DLC1: variants seen among roughly 807,000 people sequenced by gnomAD.
DLC1 encodes DLC1 Rho GTPase activating protein, also known as rho GTPase-activating protein 7.
Under a neutral mutation model 140.3 loss-of-function variants are expected in DLC1, and 54 were observed. That is an observed-to-expected ratio of 0.38 (90% CI 0.31 to 0.48). The LOEUF (loss-of-function observed/expected upper bound fraction) is 0.48. DLC1 is among the 20% of genes least tolerant of loss of function. The pLI is 0.96. For missense variants in DLC1, 2,536 were observed against 1,907.0 expected, an observed-to-expected ratio of 1.33 and a Z score of -6.14; for synonymous variants, 986 against 728.1, an observed-to-expected ratio of 1.35 and a Z score of -5.70.
intron 4 of DLC1, among the ~76,000 whole-genome samples, chr8:13,379,233 G>T (rs1201301737): frequency 6.6e-6 from 1 of 152,060 alleles, no homozygotes. Context: ...CTTTTTACTT[G>T]CCTGGAGTCA....
chr8:13,170,558 G>T (rs964372906), intron 5 of DLC1, among the ~76,000 whole-genome samples: 1 of 151,982 alleles, frequency 6.6e-6, no homozygotes, highest in African/African-American at 2.4e-5. Context: ...GTGAAACCCC[G>T]TCCCTACTAA....
rs1801379915 is a variant in DLC1, at chr8:13,493,922, T to C, written c.1023+5127A>G. 2.0e-5 allele frequency among the ~76,000 whole-genome samples: 3 copies of C among 152,190 alleles called. No individual in the cohort carries two copies. The South Asian group carries it at 6.2e-4, about 31-fold the overall frequency. ...CCTTTTACCAAATGTTTGCATATTT[T>C]AAATATAGAATAAGGAGAAAATATT... On this transcript the variant is annotated intron_variant, in intron 2 of 17. Transcript: ENST00000276297.
chr8:13,177,477 A>C, intron 5 of DLC1, among the ~76,000 whole-genome samples: 1 of 152,352 alleles, frequency 6.6e-6, no homozygotes, highest in East Asian at 1.9e-4. Context: ...TGTATTGTTT[A>C]TAGAATTTCA....
At chr8:13,331,238 C>T (rs7016737) in intron 4 of DLC1, among the ~76,000 whole-genome samples, 46,122 of 152,088 alleles carry the variant, frequency 0.3, 7,874 homozygotes, top group Non-Finnish European at 0.39. Flanking sequence ...TTTGTAAGCA[C>T]CACATTGGCT....
intron 5 of DLC1, among the ~76,000 whole-genome samples, chr8:13,249,472 G>C (rs953291589): frequency 6.6e-6 from 1 of 151,982 alleles, no homozygotes; most frequent in South Asian, 2.1e-4. Context: ...GGCACTCCTT[G>C]TCATGGTACC....
Position 13,332,801 on chromosome 8 carries a change from G to A in DLC1, c.1315-27499C>T, listed in dbSNP as rs182396379. Among the ~76,000 whole-genome samples, 45 of 152,040 alleles carry A rather than the reference G, an allele frequency of 3.0e-4. No individual in the cohort carries two copies. In the East Asian group the frequency reaches 6.6e-3, roughly 22 times the overall value. ...CTTGATTAACCCATTAATTAACCTA[G>A]GTTAATTGTTATTTTACAGAATTAA... On this transcript the variant is annotated intron_variant, in intron 4 of 17. Coordinates refer to ENST00000276297, the MANE Select transcript of DLC1 (RefSeq NM_182643.3).
intron 5 of DLC1, among the ~76,000 whole-genome samples, chr8:13,201,823 G>T (rs562278736): frequency 6.7e-6 from 1 of 150,292 alleles, no homozygotes; most frequent in Non-Finnish European, 1.5e-5. Flanking sequence ...ATGTTCAGGG[G>T]TATATACATG....
chr8:13,214,045 A>C lies in DLC1; in HGVS notation c.1348+91224T>G, dbSNP rs532639620. 2.6e-5 allele frequency among the ~76,000 whole-genome samples: 4 copies of C among 152,076 alleles called. No homozygotes were observed. The East Asian group carries it at 7.8e-4, about 29-fold the overall frequency. ...GTGATCCGTCCACTTCAGCCTCCCAAAGTGTTGGGTTTACAGGTGTGAGCC... is the reference window on the plus strand; with the variant it reads ...GTGATCCGTCCACTTCAGCCTCCCACAGTGTTGGGTTTACAGGTGTGAGCC... On this transcript the variant is annotated intron_variant, in intron 5 of 17. Coordinates refer to ENST00000276297, the MANE Select transcript of DLC1 (RefSeq NM_182643.3).
At chr8:13,419,866 TATTG>T (rs1306090782) in intron 2 of DLC1, among the ~76,000 whole-genome samples, 3 of 152,194 alleles carry the variant, frequency 2.0e-5, no homozygotes, top group Non-Finnish European at 4.4e-5. Flanking sequence ...GTTGGTAAGC[TATTG>T]ATTATTGCCA....
At chr8:13,189,007 A>G (rs1826586476) in intron 5 of DLC1, among the ~76,000 whole-genome samples, 1 of 151,388 alleles carries the variant, frequency 6.6e-6, no homozygotes, top group African/African-American at 2.4e-5. Flanking sequence ...ATATTTTTAA[A>G]CAAATAAAAA....
intron 2 of DLC1, among the ~76,000 whole-genome samples, chr8:13,418,222 G>C (rs1210034952): frequency 1.3e-5 from 2 of 152,014 alleles, no homozygotes; most frequent in Non-Finnish European, 2.9e-5. Context: ...AGTTTAATTA[G>C]ATCCCATTTG....
rs544347867 is a variant in DLC1, at chr8:13,374,094, C to G, written c.1314+19459G>C. ...TCTGCTTAGGAAATGTGTGGAAATG[C>G]TATAAGTGAATGAACTGTATCTGTA... On this transcript the variant is annotated intron_variant, in intron 4 of 17. Coordinates refer to ENST00000276297, the MANE Select transcript of DLC1 (RefSeq NM_182643.3). Among the ~76,000 whole-genome samples the G allele has an allele frequency of 2.0e-4, 30 of 152,192 alleles. No homozygotes were observed. In the South Asian group the frequency reaches 6.0e-3, roughly 31 times the overall value.
chr8:13,244,882 C>T (rs113414566), intron 5 of DLC1, among the ~76,000 whole-genome samples: 174 of 152,340 alleles, frequency 1.1e-3, no homozygotes, highest in African/African-American at 3.7e-3. Context: ...TCACTTTAAC[C>T]ATTCCAGGCA....
At chr8:13,223,209 C>A (rs1051241578) in intron 5 of DLC1, among the ~76,000 whole-genome samples, 1 of 152,218 alleles carries the variant, frequency 6.6e-6, no homozygotes, top group South Asian at 2.1e-4. Flanking sequence ...TATAAAAATC[C>A]TGTCGTAGAG....
At chr8:13,381,358 G>A (rs1277409283) in intron 4 of DLC1, among the ~76,000 whole-genome samples, 4 of 152,172 alleles carry the variant, frequency 2.6e-5, no homozygotes, top group African/African-American at 4.8e-5. Context: ...CAAAGGCCAC[G>A]TTAAGGAGAT....
At chr8:13,567,058 G>C (rs1387885452) in intron 1 of DLC1, 1 of 1,551,770 alleles carries the variant, frequency 6.4e-7, no homozygotes, top group South Asian at 1.2e-5. Flanking sequence ...TGATGAGACT[G>C]AGACTTTGAA....
chr8:13,217,794 C>T (rs1336486187), intron 5 of DLC1, among the ~76,000 whole-genome samples: 3 of 151,752 alleles, frequency 2.0e-5, no homozygotes, highest in South Asian at 2.1e-4. Context: ...GCCGAGATCA[C>T]GCCACTGCAC....
chr8:13,248,641 C>A (rs1233927375), intron 5 of DLC1, among the ~76,000 whole-genome samples: 3 of 152,198 alleles, frequency 2.0e-5, no homozygotes, highest in Non-Finnish European at 2.9e-5. Context: ...CACTGAGCAG[C>A]AGTCTGGATC....
chr8:13,219,022 G>GAATATATACGAATATAAT, intron 5 of DLC1, among the ~76,000 whole-genome samples: 1 of 82,106 alleles, frequency 1.2e-5, no homozygotes, highest in South Asian at 3.8e-4. Flanking sequence ...AATTATATAC[G>GAATATATACGAATATAAT]TATATAATTA....
Sources: allele counts gnomAD v4.1 joint callset (sites outside exome capture counted in the v4.1 genomes callset), GRCh38; gene constraint gnomAD v4.1.1; transcripts MANE v1.5; gene names NCBI Gene and HGNC (gene_info 2026-07-23, HGNC 2026-07-21).